Variants in DDX60L observed in about 807,000 individuals in gnomAD.
DDX60L encodes DExD/H-box 60 like, also known as probable ATP-dependent RNA helicase DDX60-like.
Under a neutral mutation model 211.6 loss-of-function variants are expected in DDX60L, and 191 were observed. The observed-to-expected ratio is 0.90, with a 90% confidence interval of 0.80 to 1.02. The LOEUF is 1.02. DDX60L is among the 50% of genes least tolerant of loss of function. The pLI, the probability that DDX60L is intolerant of heterozygous loss-of-function variation, is 0.00. For synonymous variants in DDX60L, 706 were observed against 694.1 expected (o/e 1.02, Z -0.27); for missense variants, 2,007 against 1,984.1 (o/e 1.01, Z -0.22).
At chr4:168,381,780 T>C (rs1743004254) in intron 30 of DDX60L, among the ~76,000 whole-genome samples, 1 of 152,102 alleles carries the variant, frequency 6.6e-6, no homozygotes. Context: ...GACTAATGGC[T>C]CAAATCCAAA....
rs1744564761 is a variant in DDX60L at position 168,390,254 on chromosome 4, G to C, written c.3915+1286C>G. On this transcript the variant is annotated intron_variant, in intron 29 of 37. Coordinates refer to ENST00000682922, the MANE Select transcript of DDX60L (RefSeq NM_001012967.3). ...GATTTTGGCAAGGAAGAGAAAAAAG[G>C]AGACCATAATTCTGAAGGAAACAAA... 3 of 1,073,144 alleles carry C rather than the reference G, an allele frequency of 2.8e-6. No homozygotes were observed. The African/African-American group carries it at 4.9e-5, about 18-fold the overall frequency. 66.5% of individuals were successfully genotyped at this position (1,073,144 alleles called of 1,614,324 possible).
At position 168,396,709 on chromosome 4, in the gene DDX60L, A is replaced by T. The variant is rs939788503; in HGVS notation, c.3492-585T>A. On this transcript the variant is annotated intron_variant, in intron 26 of 37. Coordinates refer to ENST00000682922, the MANE Select transcript of DDX60L (RefSeq NM_001012967.3). The stretch of plus-strand genomic sequence containing the variant: ...AGTCCTGAAAAAAGACTGACTGAAG[A>T]GAATCAGTCACCGAGAAGACCTGGA... Among the ~76,000 whole-genome samples, 2 of 151,860 alleles carry T rather than the reference A, an allele frequency of 1.3e-5. 1 individual carries two copies. The highest frequency in any genetic ancestry group is 1.3e-4 in the Admixed American group (2 of 15,262).
Position 168,441,327 on chromosome 4 carries a change from C to T in DDX60L, c.1294+10G>A, listed in dbSNP as rs374085265. On this transcript the variant is annotated intron_variant, in intron 10 of 37. Coordinates refer to ENST00000682922, the MANE Select transcript of DDX60L (RefSeq NM_001012967.3). Reference sequence around the variant, plus strand: ...TGCTTTTGTTCCACTTTAATTTACCCATTTAGTACCTTGAATGACCGATTT... The same window carrying T: ...TGCTTTTGTTCCACTTTAATTTACCTATTTAGTACCTTGAATGACCGATTT... The T allele has an allele frequency of 4.4e-6, 7 of 1,582,406 alleles. No individual in the cohort carries two copies. In the African/African-American group the frequency reaches 6.8e-5, roughly 15 times the overall value.
chr4:168,441,207 A>G (rs922998384), intron 10 of DDX60L, 130 bp downstream of exon 10: 3 of 858,424 alleles, frequency 3.5e-6, no homozygotes, highest in Non-Finnish European at 5.4e-6. Flanking sequence ...TTAAACCTCA[A>G]TTAAGAGGTA....
At chr4:168,442,456 G>A (rs940661824) in intron 9 of DDX60L, among the ~76,000 whole-genome samples, 419 of 152,150 alleles carry the variant, frequency 2.8e-3, no homozygotes, top group African/African-American at 9.4e-3. Flanking sequence ...GGGGAGGGGC[G>A]CCCGCCATTG....
At chr4:168,441,534 A>C in intron 9 of DDX60L, 42 bp from the exon 10 acceptor site, 1 of 1,468,814 alleles carries the variant, frequency 6.8e-7, no homozygotes, top group Non-Finnish European at 9.3e-7. Context: ...AAAGTCATAC[A>C]CATGCAGACA....
chr4:168,402,955 A>G (rs1010006290), intron 25 of DDX60L, among the ~76,000 whole-genome samples: 1 of 152,256 alleles, frequency 6.6e-6, no homozygotes, highest in Non-Finnish European at 1.5e-5. Context: ...ATGTAAGTGT[A>G]TAAATAATGA....
intron 8 of DDX60L, among the ~76,000 whole-genome samples, chr4:168,450,673 T>C (rs1755684230): frequency 1.3e-5 from 2 of 152,314 alleles, no homozygotes; most frequent in South Asian, 4.1e-4. Context: ...CCCAACACTT[T>C]GTGAGGCTGA....
Position 168,406,004 on chromosome 4 carries a change from T to G in DDX60L, c.3159A>C (p.Glu1053Asp). The change falls in exon 24 of 38, where the codon GAA becomes GAC. Residue 1053 changes from glutamate (E) to aspartate (D), a missense_variant. Physicochemically the swap from Glu to Asp is conservative, Grantham distance 45. Coordinates refer to ENST00000682922, the MANE Select transcript of DDX60L (RefSeq NM_001012967.3). ...TTGTCAATTCTGCCTTTAAGTTTTC[T>G]TCATATTTTCTAGCATCCAACTTCT... ...VIKKLDARKY[E>D]ENLKAELTNW... The G allele has an allele frequency of 6.2e-7, 1 of 1,602,234 alleles. No individual in the cohort carries two copies. Among genetic ancestry groups the G allele is most frequent in the African/African-American group, 1.3e-5 (1 of 74,706 alleles).
In DDX60L at chr4:168,457,293, T is replaced by TAC. The variant is rs756649479; in HGVS notation, c.723+597_723+598dup. The stretch of plus-strand genomic sequence containing the variant: ...ACACACACACACACACACACACACA[T>TAC]ACACACACACACACACACAATATGT... On this transcript the variant is annotated intron_variant, in intron 6 of 37. Transcript: ENST00000682922. Among the ~76,000 whole-genome samples the TAC allele has an allele frequency of 2.9e-3, 365 of 125,796 alleles. 2 individuals carry two copies. Among genetic ancestry groups the TAC allele is most frequent in the African/African-American group, 6.3e-3 (234 of 37,004 alleles). 82.5% of individuals were successfully genotyped at this position (125,796 alleles called of 152,430 possible). A position where few individuals can be genotyped will look rare whatever the true frequency, so the allele number is the denominator to read the frequency against.
At chr4:168,462,497 G>A (rs192395605) in intron 4 of DDX60L, among the ~76,000 whole-genome samples, 11 of 152,142 alleles carry the variant, frequency 7.2e-5, no homozygotes, top group Non-Finnish European at 8.8e-5. Context: ...GTGGGCAAAG[G>A]ACATAAACAG....
chr4:168,420,040 A>G (rs1403449605), intron 18 of DDX60L, among the ~76,000 whole-genome samples: 1 of 152,202 alleles, frequency 6.6e-6, no homozygotes, highest in East Asian at 1.9e-4. Context: ...TTTCTATTTG[A>G]AATTTCAGTT....
chr4:168,371,800 A>G (rs1741076955), intron 35 of DDX60L, 37 bp from the exon 36 acceptor site: 1 of 1,545,544 alleles, frequency 6.5e-7, no homozygotes, highest in East Asian at 2.3e-5. Context: ...CATTACTGAT[A>G]TGTAAAGAGT....
intron 22 of DDX60L, among the ~76,000 whole-genome samples, chr4:168,411,291 CT>C (rs991577727): frequency 2.0e-5 from 3 of 152,212 alleles, no homozygotes; most frequent in African/African-American, 7.2e-5. Flanking sequence ...CTGGTTTTAA[CT>C]CTGTATCACT....
chr4:168,450,472 CAAAA>C (rs532304128), intron 8 of DDX60L, among the ~76,000 whole-genome samples: 1 of 130,906 alleles, frequency 7.6e-6, no homozygotes. Flanking sequence ...TGGTCTCCCT[CAAAA>C]AAAAAAAAAA....
intron 26 of DDX60L, among the ~76,000 whole-genome samples, chr4:168,399,631 G>A (rs1276736634): frequency 2.6e-5 from 4 of 152,188 alleles, no homozygotes; most frequent in African/African-American, 9.7e-5. Flanking sequence ...AATTACACAT[G>A]AGAAAGACTC....
chr4:168,357,459 C>G lies in DDX60L; in HGVS notation c.*688G>C, dbSNP rs1738359880. The G allele has an allele frequency of 6.6e-6, 1 of 152,320 alleles. No individual in the cohort carries two copies. The highest frequency in any genetic ancestry group is 2.4e-5 in the African/African-American group (1 of 41,454). The allele number at this position is 152,320 out of a possible 1,614,324, so 9.4% of individuals were successfully genotyped here. A position where few individuals can be genotyped will look rare whatever the true frequency, so the allele number is the denominator to read the frequency against. On this transcript the variant is annotated 3_prime_UTR_variant, in exon 38 of 38. Coordinates refer to ENST00000682922, the MANE Select transcript of DDX60L (RefSeq NM_001012967.3). ...ATTCAGTTCTGTTGAGGGCTTGCTT[C>G]TTGGTCTGCAGATGGCCATCTTCCC...
In DDX60L at chr4:168,420,270, T is replaced by C. The variant is rs376932748; in HGVS notation, c.2505A>G (p.Leu835=). 4 of 1,597,872 alleles carry C rather than the reference T, an allele frequency of 2.5e-6. No individual in the cohort carries two copies. The highest frequency in any genetic ancestry group is 3.4e-6 in the Non-Finnish European group (4 of 1,172,600). The change falls in exon 18 of 38, where the codon CTA becomes CTG. Residue 835 remains leucine (L), a synonymous_variant. Transcript: ENST00000682922. ...AFTRDYCHNV[L]NCQVLITVPE... ...AATTAATATGTCATACCTGACAGTT[T>C]AGTACATTGTGACAATAATCTCTTG...
At chr4:168,440,051 T>A (rs1753602108) in intron 10 of DDX60L, among the ~76,000 whole-genome samples, 1 of 152,110 alleles carries the variant, frequency 6.6e-6, no homozygotes, top group South Asian at 2.1e-4. Context: ...CCCATCAGAA[T>A]GGCCAAAATA....
Sources: gnomAD v4.1 joint callset for allele counts (sites outside exome capture counted in the v4.1 genomes callset) on GRCh38, gnomAD v4.1.1 for gene constraint, MANE v1.5 for transcripts, NCBI Gene and HGNC (gene_info 2026-07-23, HGNC 2026-07-21) for gene names.